The following SLC30A9 variants were observed in gnomAD, a reference collection of about 807,000 sequenced individuals.
The protein encoded by SLC30A9 is solute carrier family 30 member 9.
SLC30A9 carries 58 observed loss-of-function variants against 87.5 expected under a neutral mutation model. The observed-to-expected ratio is 0.66, with a 90% CI of 0.54 to 0.82. The LOEUF (loss-of-function observed/expected upper bound fraction) is 0.82. Among genes scored for constraint, SLC30A9 ranks in the 40% least tolerant of loss-of-function variants. SLC30A9 has a pLI of 0.00. For missense variants in SLC30A9, 557 were observed against 679.1 expected, an observed-to-expected ratio of 0.82 and a Z score of 2.00; for synonymous variants, 234 against 233.0, an observed-to-expected ratio of 1.00 and a Z score of -0.04.
At chr4:42,051,877 C>T (rs1385452282) in intron 9 of SLC30A9, among the ~76,000 whole-genome samples, 1 of 151,666 alleles carries the variant, frequency 6.6e-6, no homozygotes, top group African/African-American at 2.4e-5. Context: ...AACCCTGATG[C>T]CAAAATTTTA....
At chr4:42,066,684 C>CTGTTATTGCTTT (rs1718090239) in intron 13 of SLC30A9, 63 bp downstream of exon 13, 6 of 1,048,310 alleles carry the variant, frequency 5.7e-6, no homozygotes, top group Admixed American at 3.8e-5. Context: ...TTACTTAGTA[C>CTGTTATTGCTTT]TGTTATTGCT....
At chr4:41,997,436 GT>G (rs907682821) in intron 1 of SLC30A9, among the ~76,000 whole-genome samples, 25 of 148,532 alleles carry the variant, frequency 1.7e-4, no homozygotes, top group African/African-American at 3.7e-4. Flanking sequence ...ACATTCTTAG[GT>G]TTTTTTTTTA....
At chr4:42,025,027 A>G (rs528977977) in intron 6 of SLC30A9, among the ~76,000 whole-genome samples, 6 of 152,318 alleles carry the variant, frequency 3.9e-5, no homozygotes, top group African/African-American at 1.4e-4. Context: ...TTAGTAGGGA[A>G]ATTTCAAACA....
At chr4:42,064,552 C>G (rs767503290) in intron 11 of SLC30A9, among the ~76,000 whole-genome samples, 2 of 152,140 alleles carry the variant, frequency 1.3e-5, no homozygotes, top group Non-Finnish European at 2.9e-5. Context: ...GTGTTTCCTC[C>G]ATTCTGAAAA....
At chr4:42,074,943 A>G (rs1174812887) in intron 15 of SLC30A9, among the ~76,000 whole-genome samples, 1 of 145,918 alleles carries the variant, frequency 6.9e-6, no homozygotes, top group Non-Finnish European at 1.5e-5. Context: ...GGCATTTAGG[A>G]AATTGATAAG....
At chr4:42,029,844 G>A in intron 6 of SLC30A9, 1 of 721,762 alleles carries the variant, frequency 1.4e-6, no homozygotes, top group Non-Finnish European at 2.6e-6. Context: ...TGTGTTTCCT[G>A]TTCAGTGCAC....
chr4:42,035,261 T>C lies in SLC30A9; in HGVS notation c.611-14T>C. On this transcript the variant is annotated splice_polypyrimidine_tract_variant and intron_variant, in intron 6 of 17. Transcript: ENST00000264451. ...GAATATCTATGACCTAAATTTATTT[T>C]GTTATTCTTACAGGGCTATTTAGAA... 1 of 1,588,376 alleles carries C rather than the reference T, an allele frequency of 6.3e-7. No homozygotes were observed. Among genetic ancestry groups the C allele is most frequent in the Non-Finnish European group, 8.6e-7 (1 of 1,160,340 alleles).
At chr4:42,035,227 G>T in intron 6 of SLC30A9, 48 bp from the exon 7 acceptor site, 1 of 1,542,744 alleles carries the variant, frequency 6.5e-7, no homozygotes, top group South Asian at 1.1e-5. Flanking sequence ...TCTAAACTGT[G>T]ACTGGTAAGA....
chr4:42,085,832 T>A (rs2153141837), intron 17 of SLC30A9, among the ~76,000 whole-genome samples: 1 of 152,080 alleles, frequency 6.6e-6, no homozygotes, highest in Non-Finnish European at 1.5e-5. Context: ...ATGTACTAGA[T>A]CCTTAATGCA....
intron 2 of SLC30A9, among the ~76,000 whole-genome samples, chr4:42,011,900 T>C (rs1173189014): frequency 6.6e-6 from 1 of 152,130 alleles, no homozygotes; most frequent in Admixed American, 6.5e-5. Flanking sequence ...GTAGACTAAA[T>C]AGTCATTGTC....
chr4:42,083,023 C>T (rs1283155226), intron 17 of SLC30A9, among the ~76,000 whole-genome samples: 4 of 151,964 alleles, frequency 2.6e-5, no homozygotes, highest in African/African-American at 7.2e-5. Flanking sequence ...TTTGTCTTAT[C>T]TCTGTATTTC....
At chr4:42,058,257 G>T (rs942081646) in intron 9 of SLC30A9, among the ~76,000 whole-genome samples, 1 of 152,130 alleles carries the variant, frequency 6.6e-6, no homozygotes, top group Non-Finnish European at 1.5e-5. Context: ...AATGCTACCA[G>T]TCTCTTTGCT....
intron 2 of SLC30A9, among the ~76,000 whole-genome samples, chr4:42,005,936 C>G (rs1715182981): frequency 6.6e-6 from 1 of 152,140 alleles, no homozygotes; most frequent in African/African-American, 2.4e-5. Flanking sequence ...ACATTTAGCC[C>G]TGTATTCATG....
intron 7 of SLC30A9, among the ~76,000 whole-genome samples, chr4:42,037,369 C>T (rs922199905): frequency 2.0e-5 from 3 of 146,354 alleles, no homozygotes; most frequent in Non-Finnish European, 3.0e-5. Flanking sequence ...TCTGGGTCTG[C>T]TCCTCTGGTA....
At chr4:42,021,505 C>T (rs865945841) in intron 4 of SLC30A9, among the ~76,000 whole-genome samples, 5 of 152,112 alleles carry the variant, frequency 3.3e-5, no homozygotes, top group African/African-American at 7.2e-5. Flanking sequence ...TAGGAAGATC[C>T]ATGATTAAAT....
chr4:42,035,297 A>G lies in SLC30A9; in HGVS notation c.633A>G (p.Ile211Met), dbSNP rs1394953534. Residue 211 changes from isoleucine to methionine, a missense_variant, in exon 7 of 18, where the codon ATA becomes ATG. Around this residue, in one of 2 missense-constraint regions of SLC30A9, gnomAD observed 467 missense variants for 529.8 expected, o/e 0.88. Transcript: ENST00000264451. Reference protein sequence around the residue: ...YRERLFRNQKILREYRDFLGN... With the variant: ...YRERLFRNQKMLREYRDFLGN... ...CAGGGCTATTTAGAAACCAAAAAATATTAAGAGAATACAGAGATTTCTTGG... is the reference window on the plus strand; with the variant it reads ...CAGGGCTATTTAGAAACCAAAAAATGTTAAGAGAATACAGAGATTTCTTGG... 1 of 1,602,652 alleles carries G rather than the reference A, an allele frequency of 6.2e-7. No individual in the cohort carries two copies. The highest frequency in any genetic ancestry group is 8.5e-7 in the Non-Finnish European group (1 of 1,171,916).
chr4:42,027,720 G>T (rs1322253658), intron 6 of SLC30A9, among the ~76,000 whole-genome samples: 2 of 152,138 alleles, frequency 1.3e-5, no homozygotes, highest in Non-Finnish European at 2.9e-5. Flanking sequence ...GAGAATTTAA[G>T]ATGGAATATA....
intron 2 of SLC30A9, among the ~76,000 whole-genome samples, chr4:42,005,056 A>G (rs1715145441): frequency 6.6e-6 from 1 of 152,172 alleles, no homozygotes; most frequent in African/African-American, 2.4e-5. Flanking sequence ...TACGTTAAAC[A>G]TAGCTATTTT....
chr4:42,001,556 C>T (rs1714984444), intron 1 of SLC30A9, 60 bp from the exon 2 acceptor site: 1 of 1,084,078 alleles, frequency 9.2e-7, no homozygotes, highest in South Asian at 1.7e-5. Context: ...GGTGGCTTGG[C>T]AATTAATTAT....
Sources: allele counts gnomAD v4.1 joint callset (sites outside exome capture counted in the v4.1 genomes callset), GRCh38; gene constraint gnomAD v4.1.1; regional missense constraint gnomAD v4.1.1; transcripts MANE v1.5; gene names NCBI Gene and HGNC (gene_info 2026-07-23, HGNC 2026-07-21).